Variants in C1orf21 observed in about 807,000 individuals in gnomAD.
The protein encoded by C1orf21 is uncharacterized protein C1orf21.
Under a neutral mutation model 18.7 loss-of-function variants are expected in C1orf21, and 3 were observed. That is an observed-to-expected ratio of 0.16 (90% confidence interval 0.07 to 0.42). C1orf21 has a LOEUF of 0.42. Among genes scored for constraint, C1orf21 ranks in the 10% least tolerant of loss-of-function variants. The pLI is 0.99. For synonymous variants in C1orf21, 41 were observed against 46.4 expected, an observed-to-expected ratio of 0.88 and a Z score of 0.47; for missense variants, 104 against 143.6, an observed-to-expected ratio of 0.72 and a Z score of 1.41.
intron 3 of C1orf21, among the ~76,000 whole-genome samples, chr1:184,515,824 G>T (rs1045369423): frequency 1.2e-3 from 188 of 152,062 alleles, no homozygotes; most frequent in Non-Finnish European, 2.5e-4. Context: ...GTTTTCATTT[G>T]TTTGTTTGTT....
intron 1 of C1orf21, among the ~76,000 whole-genome samples, chr1:184,451,600 CA>C (rs1440307337): frequency 1.3e-5 from 2 of 151,850 alleles, no homozygotes; most frequent in Non-Finnish European, 2.9e-5. Context: ...CTACCAGGCC[CA>C]ATCTGGAACA....
intron 2 of C1orf21, among the ~76,000 whole-genome samples, chr1:184,491,997 C>A (rs527451794): frequency 6.6e-6 from 1 of 152,168 alleles, no homozygotes; most frequent in Admixed American, 6.5e-5. Context: ...TAATTTGAAA[C>A]GGAGCCATCT....
Position 184,452,712 on chromosome 1 carries a change from C to T in C1orf21, c.-124-24674C>T, listed in dbSNP as rs371389541. Among the ~76,000 whole-genome samples, 13 of 152,182 alleles carry T rather than the reference C, an allele frequency of 8.5e-5. 1 individual carries two copies. The East Asian group carries it at 2.3e-3, about 27-fold the overall frequency. ...GAAGTTCCATGAATCTCTTTATATT[C>T]GTGGTATTACACAAAATTGTTGTAA... On this transcript the variant is annotated intron_variant, in intron 1 of 5. Coordinates refer to ENST00000235307, the MANE Select transcript of C1orf21 (RefSeq NM_030806.4).
At chr1:184,530,282 G>A (rs1165230175) in intron 3 of C1orf21, among the ~76,000 whole-genome samples, 1 of 152,062 alleles carries the variant, frequency 6.6e-6, no homozygotes, top group Non-Finnish European at 1.5e-5. Flanking sequence ...ATCTCTCTGG[G>A]CCTCAGTTTC....
At position 184,500,993 on chromosome 1, in the gene C1orf21, C is replaced by T. The variant is rs1657968161; in HGVS notation, c.95-6595C>T. Among the ~76,000 whole-genome samples the T allele has an allele frequency of 2.6e-5, 4 of 152,334 alleles. No individual in the cohort carries two copies. In the South Asian group the frequency reaches 6.2e-4, roughly 24 times the overall value. On this transcript the variant is annotated intron_variant, in intron 2 of 5. Coordinates refer to ENST00000235307, the MANE Select transcript of C1orf21 (RefSeq NM_030806.4). Reference sequence around the variant, plus strand: ...TTCCCCATGTGTTCTTCCTCACCTGCCTCAACAGACTGGTCCATCTCAGGA... The same window carrying T: ...TTCCCCATGTGTTCTTCCTCACCTGTCTCAACAGACTGGTCCATCTCAGGA...
intron 1 of C1orf21, among the ~76,000 whole-genome samples, chr1:184,409,900 A>G (rs1656306282): frequency 6.6e-6 from 1 of 152,236 alleles, no homozygotes; most frequent in African/African-American, 2.4e-5. Context: ...AAATTCGTAT[A>G]ATGGCAGGCA....
chr1:184,549,222 A>G (rs1658775745), intron 3 of C1orf21, among the ~76,000 whole-genome samples: 1 of 152,158 alleles, frequency 6.6e-6, no homozygotes, highest in Admixed American at 6.5e-5. Flanking sequence ...CATCTGCAAA[A>G]TGGTTTAAGA....
chr1:184,483,891 C>T (rs996728168), intron 2 of C1orf21, among the ~76,000 whole-genome samples: 2 of 118,062 alleles, frequency 1.7e-5, no homozygotes, highest in Non-Finnish European at 3.2e-5. Context: ...TCCACCTTTG[C>T]TGCCTTTGTG....
intron 1 of C1orf21, among the ~76,000 whole-genome samples, chr1:184,401,778 C>CA (rs541965919): frequency 0.13 from 17,093 of 127,034 alleles, 3,001 homozygotes; most frequent in African/African-American, 0.41. Context: ...ACATTTACAG[C>CA]AAAAAAAAAA....
chr1:184,516,322 A>G (rs1216275475), intron 3 of C1orf21, among the ~76,000 whole-genome samples: 2 of 152,204 alleles, frequency 1.3e-5, no homozygotes, highest in East Asian at 3.8e-4. Flanking sequence ...GGGTGTTTTA[A>G]TATGCATTAG....
Position 184,623,731 on chromosome 1 carries a change from T to C in C1orf21, c.*4175T>C, listed in dbSNP as rs1271938356. The C allele has an allele frequency of 6.6e-6, 1 of 152,640 alleles. No individual in the cohort carries two copies. Among genetic ancestry groups the C allele is most frequent in the Non-Finnish European group, 1.5e-5 (1 of 68,036 alleles). 9.5% of individuals were successfully genotyped at this position (152,640 alleles called of 1,614,324 possible). ...GAATTGCCTTTTGCCAATGAATGGA[T>C]GTATTTTTCCAAGGGGGGAATAGTA... On this transcript the variant is annotated 3_prime_UTR_variant, in exon 6 of 6. Coordinates refer to ENST00000235307, the MANE Select transcript of C1orf21 (RefSeq NM_030806.4).
rs549187796 is a variant in C1orf21 at position 184,393,814 on chromosome 1, A to C, written c.-125+6446A>C. ...ATCACAAAAGTAGAATGGTTTATTT[A>C]ATTTCATCTTCATTACCTTTTTTTT... On this transcript the variant is annotated intron_variant, in intron 1 of 5. Transcript: ENST00000235307. Among the ~76,000 whole-genome samples, 5 of 152,326 alleles carry C rather than the reference A, an allele frequency of 3.3e-5. 1 individual carries two copies. In the South Asian group the frequency reaches 1.0e-3, roughly 32 times the overall value.
intron 1 of C1orf21, among the ~76,000 whole-genome samples, chr1:184,460,095 A>G (rs1657278377): frequency 6.6e-6 from 1 of 152,114 alleles, no homozygotes; most frequent in African/African-American, 2.4e-5. Flanking sequence ...CCTGGGAGAA[A>G]CACACACTTC....
chr1:184,406,947 C>G (rs1400876626), intron 1 of C1orf21, among the ~76,000 whole-genome samples: 4 of 152,062 alleles, frequency 2.6e-5, no homozygotes, highest in Non-Finnish European at 5.9e-5. Flanking sequence ...GTGTGAGCCA[C>G]CATGCTAGGC....
chr1:184,433,722 A>G (rs1299003963), intron 1 of C1orf21, among the ~76,000 whole-genome samples: 1 of 152,148 alleles, frequency 6.6e-6, no homozygotes, highest in Non-Finnish European at 1.5e-5. Flanking sequence ...GACACTCGTC[A>G]TATTTCATGT....
chr1:184,494,288 G>A (rs1657858065), intron 2 of C1orf21, among the ~76,000 whole-genome samples: 1 of 152,192 alleles, frequency 6.6e-6, no homozygotes. Context: ...CCTTGTGCCA[G>A]TAGGGTGATG....
intron 4 of C1orf21, among the ~76,000 whole-genome samples, chr1:184,596,751 G>A (rs1386230220): frequency 6.6e-6 from 1 of 151,910 alleles, no homozygotes; most frequent in Non-Finnish European, 1.5e-5. Flanking sequence ...CACGCCTGCA[G>A]TCCCAACTAC....
At chr1:184,574,275 G>C (rs1659154941) in intron 3 of C1orf21, among the ~76,000 whole-genome samples, 1 of 152,134 alleles carries the variant, frequency 6.6e-6, no homozygotes, top group Non-Finnish European at 1.5e-5. Flanking sequence ...AACATTTTGT[G>C]ATTCTAAGTG....
intron 3 of C1orf21, among the ~76,000 whole-genome samples, chr1:184,514,757 T>C (rs1345362979): frequency 6.6e-6 from 1 of 152,182 alleles, no homozygotes; most frequent in African/African-American, 2.4e-5. Flanking sequence ...ACGAGAATAA[T>C]ACAGCTATAT....
Sources: allele counts gnomAD v4.1 joint callset (sites outside exome capture counted in the v4.1 genomes callset), GRCh38; gene constraint gnomAD v4.1.1; transcripts MANE v1.5; gene names NCBI Gene and HGNC (gene_info 2026-07-23, HGNC 2026-07-21).